The following PALLD variants were observed in gnomAD, a reference collection of about 807,000 sequenced individuals.
PALLD encodes palladin, cytoskeletal associated protein, also known as palladin.
PALLD carries 61 observed loss-of-function variants against 123.5 expected under a neutral mutation model. That is an observed-to-expected ratio of 0.49 (90% CI 0.40 to 0.61). The LOEUF (loss-of-function observed/expected upper bound fraction) is 0.61, where lower values mean the gene tolerates loss of function less well. PALLD is among the 20% of genes least tolerant of loss of function. PALLD has a pLI of 0.00. For synonymous variants in PALLD, 465 were observed against 496.4 expected (o/e 0.94, Z 0.84); for missense variants, 1,273 against 1,377.0 (o/e 0.92, Z 1.20).
chr4:168,861,838 T>C (rs1439540525), intron 10 of PALLD, among the ~76,000 whole-genome samples: 2 of 151,870 alleles, frequency 1.3e-5, no homozygotes, highest in East Asian at 3.9e-4. Flanking sequence ...TAGTTTTCTG[T>C]AGAGACAGGG....
At chr4:168,523,230 AGGAGG>A (rs199747813) in intron 2 of PALLD, among the ~76,000 whole-genome samples, 11,172 of 107,332 alleles carry the variant, frequency 0.1, 617 homozygotes, top group Non-Finnish European at 0.14. Flanking sequence ...AGGAGAGGAG[AGGAGG>A]GGAGGGGAGG....
rs1168957419 is a variant in PALLD, at chr4:168,869,571, A to G, written c.1965-21351A>G. Among the ~76,000 whole-genome samples the G allele has an allele frequency of 1.3e-5, 2 of 152,220 alleles. No individual in the cohort carries two copies. Among genetic ancestry groups the G allele is most frequent in the African/African-American group, 2.4e-5 (1 of 41,454 alleles). On this transcript the variant is annotated intron_variant, in intron 10 of 21. Coordinates refer to ENST00000505667, the MANE Select transcript of PALLD (RefSeq NM_001166108.2). This position sits in a 1 kb window ranked among gnomAD's most constrained non-coding sequence, Gnocchi z 4.5. ...AAACTCAAAATGGGTTTGGGGAACA[A>G]TAAGAGTAACAAACTTAGAAGAATG...
chr4:168,911,865 G>A (rs778188246), intron 15 of PALLD, among the ~76,000 whole-genome samples: 19 of 152,242 alleles, frequency 1.2e-4, no homozygotes, highest in East Asian at 3.9e-4. Flanking sequence ...AGCAAACACC[G>A]TGAATGCCAG....
intron 3 of PALLD, among the ~76,000 whole-genome samples, chr4:168,677,459 GA>G (rs1780975681): frequency 2.0e-5 from 3 of 152,174 alleles, no homozygotes; most frequent in Non-Finnish European, 4.4e-5. Flanking sequence ...AAATCAGCTG[GA>G]AAAAAGTAGC....
At chr4:168,520,232 G>A (rs6847637) in intron 2 of PALLD, among the ~76,000 whole-genome samples, 111,389 of 150,824 alleles carry the variant, frequency 0.74, 41,356 homozygotes, top group East Asian at 0.86. Context: ...AGGCTGAGAC[G>A]GGAGAATGGC....
In PALLD at chr4:168,803,175, C is replaced by T. The variant is rs1228462140; in HGVS notation, c.1965-87747C>T. 5.9e-5 allele frequency among the ~76,000 whole-genome samples: 9 copies of T among 152,148 alleles called. 1 individual carries two copies. The highest frequency in any genetic ancestry group is 5.9e-4 in the Admixed American group (9 of 15,284). On this transcript the variant is annotated intron_variant, in intron 10 of 21. Transcript: ENST00000505667. ...GAGGTTTAATTGACTCACAGTTCCA[C>T]AGGCTGTACAGGAAGCATGGCTGCG...
chr4:168,626,900 G>A (rs1473686450), intron 2 of PALLD, among the ~76,000 whole-genome samples: 3 of 152,072 alleles, frequency 2.0e-5, no homozygotes, highest in Non-Finnish European at 4.4e-5. Context: ...AGCAGTCAAA[G>A]TCATATAAAC....
At chr4:168,830,362 CA>C (rs140686498) in intron 10 of PALLD, among the ~76,000 whole-genome samples, 3 of 150,384 alleles carry the variant, frequency 2.0e-5, no homozygotes, top group Non-Finnish European at 1.5e-5. Flanking sequence ...TTGTCTTGAA[CA>C]AAAAAAAATG....
intron 15 of PALLD, chr4:168,904,136 G>A: frequency 1.9e-6 from 1 of 530,500 alleles, no homozygotes; most frequent in Non-Finnish European, 3.4e-6. Flanking sequence ...ATATTATTAA[G>A]GGTCTAATAT....
chr4:168,898,149 A>G (rs1755655276), intron 13 of PALLD: 1 of 331,692 alleles, frequency 3.0e-6, no homozygotes, highest in South Asian at 2.9e-5. Flanking sequence ...GCGTTCCATT[A>G]TATTTTATTG....
chr4:168,865,741 G>A (rs956924400), intron 10 of PALLD, among the ~76,000 whole-genome samples: 1 of 151,712 alleles, frequency 6.6e-6, no homozygotes, highest in African/African-American at 2.4e-5. Flanking sequence ...GTGATATTCA[G>A]ATGTTCAAAT....
rs754240841 is a variant in PALLD, at chr4:168,788,457, C to T, written c.1964+76534C>T. 5.3e-5 allele frequency among the ~76,000 whole-genome samples: 8 copies of T among 152,128 alleles called. 1 individual carries two copies. In the South Asian group the frequency reaches 1.5e-3, roughly 28 times the overall value. ...GAGTCAGTAAAAGGATCAGTGGTTGCCAGGAGTTGAGGGGAGCAGGAGATG... is the reference window on the plus strand; with the variant it reads ...GAGTCAGTAAAAGGATCAGTGGTTGTCAGGAGTTGAGGGGAGCAGGAGATG... On this transcript the variant is annotated intron_variant, in intron 10 of 21. Transcript: ENST00000505667.
rs534717606 is a variant in PALLD, at chr4:168,627,378, C to T, written c.909-40812C>T. ...TACAAAAATTAGCCTGGCATGGTGG[C>T]GTGCACCTGTAGTCCCAGATACTCG... On this transcript the variant is annotated intron_variant, in intron 2 of 21. Coordinates refer to ENST00000505667, the MANE Select transcript of PALLD (RefSeq NM_001166108.2). 5.3e-5 allele frequency among the ~76,000 whole-genome samples: 8 copies of T among 152,166 alleles called. No homozygotes were observed. In the South Asian group the frequency reaches 6.2e-4, roughly 12 times the overall value.
chr4:168,631,801 C>T, intron 2 of PALLD: 3 of 985,490 alleles, frequency 3.0e-6, no homozygotes, highest in Non-Finnish European at 3.6e-6. Context: ...AGATCGCATT[C>T]AGAGCCCAGA....
At chr4:168,572,543 A>G (rs1477321092) in intron 2 of PALLD, among the ~76,000 whole-genome samples, 3 of 152,044 alleles carry the variant, frequency 2.0e-5, no homozygotes, top group Admixed American at 1.3e-4. Context: ...TGGACGTTTA[A>G]TAGGCCTCTC....
intron 10 of PALLD, among the ~76,000 whole-genome samples, chr4:168,868,840 G>A (rs1410927801): frequency 6.6e-6 from 1 of 152,214 alleles, no homozygotes; most frequent in African/African-American, 2.4e-5. Flanking sequence ...GCAGGGATGG[G>A]AAGAATGGGT....
intron 2 of PALLD, among the ~76,000 whole-genome samples, chr4:168,646,875 T>C (rs1777511859): frequency 6.6e-6 from 1 of 152,212 alleles, no homozygotes; most frequent in African/African-American, 2.4e-5. Context: ...CTGGTAACAA[T>C]ATAGTTTTAA....
chr4:168,917,975 CG>C (rs1760556063), intron 17 of PALLD, among the ~76,000 whole-genome samples: 1 of 151,832 alleles, frequency 6.6e-6, no homozygotes, highest in South Asian at 2.1e-4. Flanking sequence ...CTGAGGCGGG[CG>C]GATCACGAGG....
chr4:168,886,828 T>C (rs1339040310), intron 10 of PALLD, among the ~76,000 whole-genome samples: 1 of 152,106 alleles, frequency 6.6e-6, no homozygotes, highest in East Asian at 1.9e-4. Flanking sequence ...TGACTTGTTA[T>C]AAGATAGAGG....
Sources: allele counts gnomAD v4.1 joint callset (sites outside exome capture counted in the v4.1 genomes callset), GRCh38; gene constraint gnomAD v4.1.1; non-coding constraint Gnocchi (gnomAD v3.1); transcripts MANE v1.5; gene names NCBI Gene and HGNC (gene_info 2026-07-23, HGNC 2026-07-21).